Variants in CIZ1 observed in about 807,000 individuals in gnomAD.
CIZ1 encodes CDKN1A interacting zinc finger protein 1.
A neutral mutation model predicts 118.6 loss-of-function variants in CIZ1; 58 were observed. That is an observed-to-expected ratio of 0.49 (90% CI 0.40 to 0.61). CIZ1 has a LOEUF of 0.61. Among genes scored for constraint, CIZ1 ranks in the 20% least tolerant of loss-of-function variants. The pLI, the probability that CIZ1 is intolerant of heterozygous loss-of-function variation, is 0.00. For missense variants in CIZ1, 921 were observed against 1,115.9 expected (o/e 0.83, Z 2.49); for synonymous variants, 448 against 443.4 (o/e 1.01, Z -0.13).
chr9:128,186,707 C>T (rs1022136715), intron 4 of CIZ1, among the ~76,000 whole-genome samples: 2 of 152,166 alleles, frequency 1.3e-5, no homozygotes, highest in African/African-American at 4.8e-5. Flanking sequence ...CCATTCTCCC[C>T]ACATGTCCCC....
At chr9:128,174,125 C>T (rs1830572308) in intron 11 of CIZ1, among the ~76,000 whole-genome samples, 1 of 152,218 alleles carries the variant, frequency 6.6e-6, no homozygotes, top group East Asian at 1.9e-4. Context: ...CCCCCACCAG[C>T]TAGGGTATTG....
intron 5 of CIZ1, among the ~76,000 whole-genome samples, chr9:128,181,076 G>A (rs895998496): frequency 3.3e-5 from 5 of 152,072 alleles, no homozygotes; most frequent in African/African-American, 1.2e-4. Context: ...GCTACCTCCT[G>A]ACCTGACTTC....
upstream of CIZ1, among the ~76,000 whole-genome samples, chr9:128,195,182 G>A (rs1833347615): frequency 6.6e-6 from 1 of 152,114 alleles, no homozygotes; most frequent in Non-Finnish European, 1.5e-5. Flanking sequence ...AGCTAAATAA[G>A]TCATGGTGTC....
At chr9:128,167,466 ATCC>A (rs1829576664) in intron 14 of CIZ1, 1 of 366,222 alleles carries the variant, frequency 2.7e-6, no homozygotes, top group East Asian at 5.2e-5. Flanking sequence ...ATTTGACTGA[ATCC>A]TCATAACAGC....
chr9:128,176,202 G>C, intron 11 of CIZ1, 149 bp downstream of exon 11: 1 of 955,066 alleles, frequency 1.0e-6, no homozygotes, highest in Non-Finnish European at 1.6e-6. Context: ...GAAAACTGAG[G>C]TTCAAGGTCA....
At chr9:128,171,691 C>T (rs967253705) in intron 11 of CIZ1, among the ~76,000 whole-genome samples, 25 of 151,640 alleles carry the variant, frequency 1.6e-4, no homozygotes, top group African/African-American at 5.8e-4. Flanking sequence ...GAGCCAAGAT[C>T]GCGCCACTGC....
intron 11 of CIZ1, among the ~76,000 whole-genome samples, chr9:128,173,235 C>T (rs1830375302): frequency 6.7e-6 from 1 of 150,310 alleles, no homozygotes; most frequent in African/African-American, 2.5e-5. Context: ...AGCTCCGCCT[C>T]CTGGGTTCAG....
At position 128,190,622 on chromosome 9, in the gene CIZ1, C is replaced by G. The variant is rs45456291; in HGVS notation, c.170+66G>C. On this transcript the variant is annotated intron_variant, in intron 2 of 16. Transcript: ENST00000372938. ...TGGCACTGGGAAAAAGGATGGGGAT[C>G]GGGAGCTCCGAGACATGGGTCTGAG... is the stretch of plus-strand genomic sequence containing the variant. 105 of 1,515,886 alleles carry G rather than the reference C, an allele frequency of 6.9e-5. No individual in the cohort carries two copies. In the East Asian group the frequency reaches 2.3e-3, roughly 33 times the overall value. The allele number at this position is 1,515,886 out of a possible 1,614,324, so 93.9% of individuals were successfully genotyped here.
rs892646314 is a variant in CIZ1, at chr9:128,201,820, C to T, written c.-6+2366G>A. Among the ~76,000 whole-genome samples the T allele has an allele frequency of 2.1e-4, 32 of 152,162 alleles. 1 individual carries two copies. The highest frequency in any genetic ancestry group is 1.5e-4 in the Non-Finnish European group (10 of 68,026). ...CAGAGACGTGGAGGGACCTGGGTCACGCAGCTTGTTTAAGGCCCAGATTAG... is the reference window on the plus strand; with the variant it reads ...CAGAGACGTGGAGGGACCTGGGTCATGCAGCTTGTTTAAGGCCCAGATTAG... On this transcript the variant is annotated intron_variant, in intron 1 of 17. Coordinates refer to the CIZ1 transcript ENST00000372948.
chr9:128,195,533 G>T (rs916204416), upstream of CIZ1, among the ~76,000 whole-genome samples: 1 of 152,028 alleles, frequency 6.6e-6, no homozygotes, highest in African/African-American at 2.4e-5. Context: ...GACTAGGCTG[G>T]TCTCAAACTC....
intron 5 of CIZ1, among the ~76,000 whole-genome samples, chr9:128,181,186 G>T (rs965136468): frequency 1.1e-4 from 17 of 152,172 alleles, no homozygotes; most frequent in Non-Finnish European, 1.9e-4. Context: ...CACAATCCCG[G>T]CTCACTGCAA....
rs943548357 is a variant in CIZ1, at chr9:128,179,403, G to A, written c.804C>T (p.Pro268=). 1 of 1,598,762 alleles carries A rather than the reference G, an allele frequency of 6.3e-7. No individual in the cohort carries two copies. Among genetic ancestry groups the A allele is most frequent in the Non-Finnish European group, 8.5e-7 (1 of 1,174,238 alleles). Residue 268 remains proline (P), a synonymous_variant, in exon 8 of 17, where the codon CCC becomes CCT. Coordinates refer to ENST00000372938, the MANE Select transcript of CIZ1 (RefSeq NM_001131016.2). ...PAKRLRSSEE[P]TEKEPPGQLQ... ...ACTGCCCTGGAGGTTCCTTCTCTGTGGGCTCTTCTGAGCTAGGAAGGATCA... is the reference window on the plus strand; with the variant it reads ...ACTGCCCTGGAGGTTCCTTCTCTGTAGGCTCTTCTGAGCTAGGAAGGATCA...
rs1417431727 is a variant in CIZ1, at chr9:128,166,966, A to G, written c.2366-86T>C. 4.4e-6 allele frequency: 7 copies of G among 1,606,918 alleles called. No individual in the cohort carries two copies. Among genetic ancestry groups the G allele is most frequent in the African/African-American group, 1.3e-5 (1 of 74,758 alleles). ...TCTCTAGGGGCCCATGTGCTCCCCA[A>G]CCCTCTAGGCAGGGGCAGAAGAGAA... On this transcript the variant is annotated intron_variant, in intron 15 of 16. Transcript: ENST00000372938. This position sits in a 1 kb window ranked among gnomAD's most constrained non-coding sequence, Gnocchi z 4.4.
At chr9:128,192,031 C>T (rs1833210361), upstream of CIZ1, 1 of 782,156 alleles carries the variant, frequency 1.3e-6, no homozygotes, top group Non-Finnish European at 1.8e-6. Context: ...GAGAGTCCCC[C>T]TCCAAGTCTT....
Position 128,191,540 on chromosome 9 carries a change from C to T in CIZ1, c.-114G>A. ...TCCGGCCCGCGGGCTCCCGGCCTCC[C>T]CGCTGCTACTCCGGGGCCTGTGGGC... is the stretch of plus-strand genomic sequence containing the variant. On this transcript the variant is annotated 5_prime_UTR_variant, in exon 1 of 17. Transcript: ENST00000372938. The surrounding 1 kb of genome is among the most constrained non-coding windows in gnomAD (Gnocchi z 5.5). 9.6e-7 allele frequency: 1 copy of T among 1,040,308 alleles called. No homozygotes were observed. The highest frequency in any genetic ancestry group is 1.2e-6 in the Non-Finnish European group (1 of 865,648). 64.4% of individuals were successfully genotyped at this position (1,040,308 alleles called of 1,614,324 possible).
At chr9:128,180,593 G>T in intron 6 of CIZ1, 70 bp from the exon 7 acceptor site, 1 of 1,431,778 alleles carries the variant, frequency 7.0e-7, no homozygotes, top group East Asian at 2.3e-5. Context: ...CAAGAGATGG[G>T]GCCTGGGCTC....
In CIZ1 at chr9:128,166,666, G is replaced by A; in HGVS notation, c.2487+93C>T. ...GGTGGTGCCTGGGGATTGAGGCCCTGCACAAGAGGGAGTGGCCACTAGCCA... is the reference window on the plus strand; with the variant it reads ...GGTGGTGCCTGGGGATTGAGGCCCTACACAAGAGGGAGTGGCCACTAGCCA... On this transcript the variant is annotated intron_variant, in intron 16 of 16. Coordinates refer to ENST00000372938, the MANE Select transcript of CIZ1 (RefSeq NM_001131016.2). This position sits in a 1 kb window ranked among gnomAD's most constrained non-coding sequence, Gnocchi z 4.4. 1 of 1,509,922 alleles carries A rather than the reference G, an allele frequency of 6.6e-7. No individual in the cohort carries two copies. The highest frequency in any genetic ancestry group is 9.2e-7 in the Non-Finnish European group (1 of 1,091,374). 93.5% of individuals were successfully genotyped at this position (1,509,922 alleles called of 1,614,324 possible).
chr9:128,188,741 T>C (rs550206357), intron 3 of CIZ1, among the ~76,000 whole-genome samples: 1 of 152,260 alleles, frequency 6.6e-6, no homozygotes, highest in Non-Finnish European at 1.5e-5. Context: ...TCAGCAATTC[T>C]CATGCCTCAG....
rs1035545174 is a variant in CIZ1, at chr9:128,203,372, C to T, written c.-6+814G>A. 1 of 1,181,162 alleles carries T rather than the reference C, an allele frequency of 8.5e-7. No individual in the cohort carries two copies. Among genetic ancestry groups the T allele is most frequent in the Admixed American group, 4.5e-5 (1 of 22,358 alleles). 73.2% of individuals were successfully genotyped at this position (1,181,162 alleles called of 1,614,324 possible). A position where few individuals can be genotyped will look rare whatever the true frequency, so the allele number is the denominator to read the frequency against. On this transcript the variant is annotated intron_variant, in intron 1 of 17. Coordinates refer to the CIZ1 transcript ENST00000372948. This position sits in a 1 kb window ranked among gnomAD's most constrained non-coding sequence, Gnocchi z 5.3. ...TCCCCGAGGGGCGGGGGCCCCGCGGCGCAGGCAGTCTGGGCGCGCGGCTGC... is the reference window on the plus strand; with the variant it reads ...TCCCCGAGGGGCGGGGGCCCCGCGGTGCAGGCAGTCTGGGCGCGCGGCTGC...
Sources: allele counts gnomAD v4.1 joint callset (sites outside exome capture counted in the v4.1 genomes callset), GRCh38; gene constraint gnomAD v4.1.1; non-coding constraint Gnocchi (gnomAD v3.1); transcripts MANE v1.5; gene names NCBI Gene and HGNC (gene_info 2026-07-23, HGNC 2026-07-21).